DZIP1L: variants seen among roughly 807,000 people sequenced by gnomAD.
The protein encoded by DZIP1L is DAZ interacting zinc finger protein 1 like, also known as cilium assembly protein DZIP1L.
A neutral mutation model predicts 88.7 loss-of-function variants in DZIP1L; 90 were observed. The ratio of observed to expected loss-of-function variants is 1.02; its 90% CI spans 0.86 to 1.21. The LOEUF is 1.21. DZIP1L is among the 50% of genes most tolerant of loss of function. DZIP1L has a pLI of 0.00. For synonymous variants in DZIP1L, 363 were observed against 372.1 expected (o/e 0.98, Z 0.28); for missense variants, 932 against 955.8 (o/e 0.98, Z 0.33).
intron 1 of DZIP1L, among the ~76,000 whole-genome samples, chr3:138,113,076 C>T (rs2042644341): frequency 6.6e-6 from 1 of 152,134 alleles, no homozygotes; most frequent in Admixed American, 6.5e-5. Context: ...ATAAGGGACC[C>T]AAAAGAATAT....
intron 5 of DZIP1L, 33 bp from the exon 6 acceptor site, chr3:138,088,540 G>C: frequency 6.2e-7 from 1 of 1,605,948 alleles, no homozygotes; most frequent in East Asian, 2.2e-5. Context: ...TTATTCAGAT[G>C]AAGATCTCAT....
intron 2 of DZIP1L, among the ~76,000 whole-genome samples, chr3:138,099,972 T>C (rs1301277643): frequency 6.6e-6 from 1 of 152,184 alleles, no homozygotes; most frequent in African/African-American, 2.4e-5. Context: ...GAAAGGACTG[T>C]TGGCTGGGCA....
At chr3:138,095,066 T>A in intron 3 of DZIP1L, 83 bp from the exon 4 acceptor site, 1 of 1,589,402 alleles carries the variant, frequency 6.3e-7, no homozygotes. Context: ...CAATCAGCCA[T>A]ACCTCGGTCT....
At position 138,071,717 on chromosome 3, in the gene DZIP1L, T is replaced by C. The variant is rs148790083; in HGVS notation, c.1541A>G (p.Lys514Arg). The C allele has an allele frequency of 1.3e-4, 213 of 1,614,200 alleles. 1 individual carries two copies. Among genetic ancestry groups the C allele is most frequent in the Middle Eastern group, 8.2e-4 (5 of 6,062 alleles). ...EFLSLRGKLVKEVTSRAKERQ... is the reference protein window; with the variant it reads ...EFLSLRGKLVREVTSRAKERQ... ...CTCCTTCGCTCTGCTGGTGACTTCC[T>C]TGACAAGCTTTCCCCTCAGACTCAG... Residue 514 changes from lysine (K) to arginine (R), a missense_variant, in exon 12 of 16, where the codon AAG becomes AGG. Lys to Arg is a conservative substitution (Grantham distance 26). Coordinates refer to ENST00000327532, the MANE Select transcript of DZIP1L (RefSeq NM_173543.3).
intron 1 of DZIP1L, among the ~76,000 whole-genome samples, chr3:138,112,104 A>G (rs1414282421): frequency 2.0e-5 from 3 of 152,066 alleles, no homozygotes; most frequent in Non-Finnish European, 2.9e-5. Context: ...TCTATATGTC[A>G]GGCACTGTGC....
At chr3:138,088,277 G>C in intron 6 of DZIP1L, 102 bp downstream of exon 6, 45 of 1,415,170 alleles carry the variant, frequency 3.2e-5, no homozygotes, top group Non-Finnish European at 4.2e-5. Flanking sequence ...ATAGAACTTT[G>C]ATGTCCTTCA....
Position 138,071,638 on chromosome 3 carries a change from T to G in DZIP1L, c.1615+5A>C, listed in dbSNP as rs771752719. ...AGCCCTGAGCAAGCCCTCTCCCCAG[T>G]GTACCTGAAGGCTGCCCGTCTGGCT... On this transcript the variant is annotated splice_donor_5th_base_variant and intron_variant, in intron 12 of 15. Coordinates refer to ENST00000327532, the MANE Select transcript of DZIP1L (RefSeq NM_173543.3). 1.2e-6 allele frequency: 2 copies of G among 1,610,626 alleles called. No individual in the cohort carries two copies. Among genetic ancestry groups the G allele is most frequent in the Non-Finnish European group, 1.7e-6 (2 of 1,178,014 alleles).
At position 138,067,554 on chromosome 3, in the gene DZIP1L, G is replaced by A; in HGVS notation, c.1979C>T (p.Ala660Val). 2 of 1,608,568 alleles carry A rather than the reference G, an allele frequency of 1.2e-6. No homozygotes were observed. Among genetic ancestry groups the A allele is most frequent in the Non-Finnish European group, 1.7e-6 (2 of 1,177,616 alleles). ...ACCTGAGCCCTGGCCAGGGGGCTGG[G>A]CATTCTCCTCCGAGGTCTCTGTGTC... ...WSDTETSEEN[A>V]QPPGQGSGTL... The change falls in exon 14 of 16, where the codon GCC becomes GTC. Residue 660 changes from alanine to valine, a missense_variant. Ala to Val is a moderately conservative substitution (Grantham distance 64). Transcript: ENST00000327532.
At chr3:138,108,579 C>T (rs2042559094) in intron 1 of DZIP1L, among the ~76,000 whole-genome samples, 1 of 152,126 alleles carries the variant, frequency 6.6e-6, no homozygotes, top group Non-Finnish European at 1.5e-5. Flanking sequence ...ACCCATTTCT[C>T]CCTGCACGCT....
rs761584698 is a variant in DZIP1L, at chr3:138,071,755, C to A, written c.1503G>T (p.Lys501Asn). The A allele has an allele frequency of 3.7e-6, 6 of 1,614,218 alleles. No individual in the cohort carries two copies. Among genetic ancestry groups the A allele is most frequent in the Non-Finnish European group, 5.1e-6 (6 of 1,180,042 alleles). The change falls in exon 12 of 16, where the codon AAG becomes AAT. Residue 501 changes from lysine (K) to asparagine (N), a missense_variant. Physicochemically the swap from Lys to Asn is moderately conservative, Grantham distance 94. Coordinates refer to ENST00000327532, the MANE Select transcript of DZIP1L (RefSeq NM_173543.3). ...CCCTCAGACTCAGAAATTCAGAAAA[C>A]TTCCGGGCCTTCTGCTCCCGCTGGA... Reference protein sequence around the residue: ...LRVQREQKARKFSEFLSLRGK... With the variant: ...LRVQREQKARNFSEFLSLRGK...
chr3:138,102,431 CCTTCAG>C, intron 2 of DZIP1L: 1 of 1,431,308 alleles, frequency 7.0e-7, no homozygotes, highest in Non-Finnish European at 9.8e-7. Context: ...CCAAGCTCTG[CCTTCAG>C]CTTCAGCTTC....
At chr3:138,095,870 G>C (rs375793605) in intron 3 of DZIP1L, among the ~76,000 whole-genome samples, 1 of 152,082 alleles carries the variant, frequency 6.6e-6, no homozygotes, top group Non-Finnish European at 1.5e-5. Flanking sequence ...AATTTAAATT[G>C]TTTAAGTGAA....
At chr3:138,101,554 G>T in intron 2 of DZIP1L, 1 of 796,904 alleles carries the variant, frequency 1.3e-6, no homozygotes, top group Non-Finnish European at 2.2e-6. Flanking sequence ...AACCACAGTG[G>T]CCCTGGTGGA....
rs1203057098 is a variant in DZIP1L, at chr3:138,101,544, A to C, written c.501+1927T>G. 6 of 793,982 alleles carry C rather than the reference A, an allele frequency of 7.6e-6. No individual in the cohort carries two copies. The Admixed American group carries it at 1.0e-4, about 14-fold the overall frequency. 49.2% of individuals were successfully genotyped at this position (793,982 alleles called of 1,614,324 possible). On this transcript the variant is annotated intron_variant, in intron 2 of 15. Coordinates refer to ENST00000327532, the MANE Select transcript of DZIP1L (RefSeq NM_173543.3). ...CATCGCAAGTCTCTATCTTCTTCAC[A>C]ACCACAGTGGCCCTGGTGGAGCTGG...
chr3:138,097,768 T>C lies in DZIP1L; in HGVS notation c.581A>G (p.Glu194Gly). Reference protein sequence around the residue: ...HIQRRHAGVAEGGKQKKQEQP... With the variant: ...HIQRRHAGVAGGGKQKKQEQP... ...GGGCTGCTGTCTGGACTCACCACCTTCTGCCACGCCTGCATGCCTGCGCTG... is the reference window on the plus strand; with the variant it reads ...GGGCTGCTGTCTGGACTCACCACCTCCTGCCACGCCTGCATGCCTGCGCTG... The change falls in exon 3 of 16, where the codon GAA becomes GGA. Residue 194 changes from glutamate to glycine, a missense_variant. Physicochemically the swap from Glu to Gly is moderately conservative, Grantham distance 98. Transcript: ENST00000327532. 2 of 1,610,938 alleles carry C rather than the reference T, an allele frequency of 1.2e-6. No homozygotes were observed. Among genetic ancestry groups the C allele is most frequent in the East Asian group, 4.5e-5 (2 of 44,846 alleles).
chr3:138,087,073 A>T, intron 6 of DZIP1L, 50 bp from the exon 7 acceptor site: 1 of 1,577,548 alleles, frequency 6.3e-7, no homozygotes, highest in Non-Finnish European at 8.7e-7. Flanking sequence ...GTATTAAAAC[A>T]TGTTATAAAG....
chr3:138,086,948 C>G lies in DZIP1L; in HGVS notation c.1062+13G>C, dbSNP rs758719825. ...GGAAACCAAGCTCCCCGAGATCACCCAACAAAAGCTACCTCTTTCTTCTCA... is the reference window on the plus strand; with the variant it reads ...GGAAACCAAGCTCCCCGAGATCACCGAACAAAAGCTACCTCTTTCTTCTCA... On this transcript the variant is annotated intron_variant, in intron 7 of 15. Transcript: ENST00000327532. 1.5e-5 allele frequency: 25 copies of G among 1,613,420 alleles called. No homozygotes were observed. The South Asian group carries it at 2.2e-4, about 14-fold the overall frequency.
chr3:138,076,209 G>A (rs1305902145), intron 11 of DZIP1L, among the ~76,000 whole-genome samples: 2 of 152,084 alleles, frequency 1.3e-5, no homozygotes, highest in Admixed American at 1.3e-4. Flanking sequence ...AAACCACAAT[G>A]TGATACCACC....
Position 138,062,559 on chromosome 3 carries a change from C to G in DZIP1L, c.*257G>C. ...TGTGGAGGTAGAGGAAGAAAACTAC[C>G]TGGAGGTTCTATTTTAACCCTTTCT... On this transcript the variant is annotated 3_prime_UTR_variant, in exon 16 of 16. Coordinates refer to ENST00000327532, the MANE Select transcript of DZIP1L (RefSeq NM_173543.3). 2.5e-6 allele frequency: 1 copy of G among 406,782 alleles called. No homozygotes were observed. Among genetic ancestry groups the G allele is most frequent in the East Asian group, 3.6e-5 (1 of 27,582 alleles). 25.2% of individuals were successfully genotyped at this position (406,782 alleles called of 1,614,324 possible). A position where few individuals can be genotyped will look rare whatever the true frequency, so the allele number is the denominator to read the frequency against.
Sources: gnomAD v4.1 joint callset for allele counts (sites outside exome capture counted in the v4.1 genomes callset) on GRCh38, gnomAD v4.1.1 for gene constraint, MANE v1.5 for transcripts, NCBI Gene and HGNC (gene_info 2026-07-23, HGNC 2026-07-21) for gene names.